TNFRSF13B: variants seen among roughly 807,000 people sequenced by gnomAD.
The protein encoded by TNFRSF13B is tumor necrosis factor receptor superfamily member 13B.
TNFRSF13B carries 34 observed loss-of-function variants against 24.0 expected under a neutral mutation model. The observed-to-expected ratio is 1.41, with a 90% CI of 1.08 to 1.88. TNFRSF13B has a LOEUF of 1.88. Ranked by LOEUF, TNFRSF13B falls within the 40% of genes most tolerant of loss-of-function variation. The probability of loss-of-function intolerance (pLI) is 0.00; values close to 1 mark genes in which losing one functional copy is unlikely to be tolerated. For missense variants in TNFRSF13B, 415 were observed against 380.8 expected (o/e 1.09, Z -0.75); for synonymous variants, 173 against 150.3 (o/e 1.15, Z -1.10).
At chr17:16,945,193 C>T (rs1264954664) in intron 3 of TNFRSF13B, among the ~76,000 whole-genome samples, 1 of 152,246 alleles carries the variant, frequency 6.6e-6, no homozygotes, top group African/African-American at 2.4e-5. Flanking sequence ...ATGCCGACCC[C>T]ACTGGCACCA....
chr17:16,955,145 A>G (rs73980240), intron 1 of TNFRSF13B, among the ~76,000 whole-genome samples: 1 of 152,150 alleles, frequency 6.6e-6, no homozygotes, highest in Non-Finnish European at 1.5e-5. Flanking sequence ...AGTGAGCCCA[A>G]CTGCTTACCC....
At position 16,952,595 on chromosome 17, in the gene TNFRSF13B, G is replaced by A; in HGVS notation, c.62-12C>T. ...CAGGCCCTGTGGAACTGAGAGACCA[G>A]GAGAGTGAGGGCAGCTGGCAGGCGG... On this transcript the variant is annotated splice_polypyrimidine_tract_variant and intron_variant, in intron 1 of 4. Transcript: ENST00000261652. 1.9e-6 allele frequency: 3 copies of A among 1,614,176 alleles called. No homozygotes were observed. The highest frequency in any genetic ancestry group is 2.2e-5 in the South Asian group (2 of 91,080).
intron 1 of TNFRSF13B, among the ~76,000 whole-genome samples, chr17:16,969,559 G>A (rs569537743): frequency 6.6e-6 from 1 of 152,304 alleles, no homozygotes; most frequent in South Asian, 2.1e-4. Context: ...GACTGACAAA[G>A]TTTCTTTTTG....
rs140281234 is a variant in TNFRSF13B at position 16,956,769 on chromosome 17, C to A, written c.62-4186G>T. Among the ~76,000 whole-genome samples the A allele has an allele frequency of 3.9e-5, 6 of 152,316 alleles. No homozygotes were observed. The East Asian group carries it at 9.6e-4, about 24-fold the overall frequency. The stretch of plus-strand genomic sequence containing the variant: ...AGTGAGAGAAACAAAGCTAAAAAGT[C>A]TACTGTATGATTTCAACTCCATGAC... On this transcript the variant is annotated intron_variant, in intron 1 of 4. Coordinates refer to ENST00000261652, the MANE Select transcript of TNFRSF13B (RefSeq NM_012452.3).
rs1197261395 is a variant in TNFRSF13B at position 16,948,950 on chromosome 17, A to G, written c.233T>C (p.Phe78Ser). 6.2e-7 allele frequency: 1 copy of G among 1,614,176 alleles called. No individual in the cohort carries two copies. Among genetic ancestry groups the G allele is most frequent in the South Asian group, 1.1e-5 (1 of 91,082 alleles). ...GCAGTCCCTCAGGAGATGGTCATAGAACTTGCCTTGCTCCTTGCGGCAGCT... is the reference window on the plus strand; with the variant it reads ...GCAGTCCCTCAGGAGATGGTCATAGGACTTGCCTTGCTCCTTGCGGCAGCT... ...SLSCRKEQGK[F>S]YDHLLRDCIS... is the part of the protein sequence containing the mutation. The change falls in exon 3 of 5, where the codon TTC becomes TCC. Residue 78 changes from phenylalanine (F) to serine (S), a missense_variant. Coordinates refer to ENST00000261652, the MANE Select transcript of TNFRSF13B (RefSeq NM_012452.3).
At chr17:16,965,595 T>C (rs2087693491) in intron 1 of TNFRSF13B, among the ~76,000 whole-genome samples, 1 of 152,174 alleles carries the variant, frequency 6.6e-6, no homozygotes, top group Admixed American at 6.5e-5. Flanking sequence ...GGGATCATAC[T>C]GAGTTTCAGC....
intron 1 of TNFRSF13B, among the ~76,000 whole-genome samples, chr17:16,971,574 G>A (rs1312261601): frequency 6.6e-6 from 1 of 152,164 alleles, no homozygotes; most frequent in African/African-American, 2.4e-5. Flanking sequence ...TGATGTTCAG[G>A]AATTGTTGTT....
chr17:16,971,622 T>G (rs2087745331), intron 1 of TNFRSF13B, among the ~76,000 whole-genome samples: 1 of 152,164 alleles, frequency 6.6e-6, no homozygotes, highest in Non-Finnish European at 1.5e-5. Flanking sequence ...GTTTTTTGTT[T>G]TGTTTTTAGG....
chr17:16,957,310 A>G lies in TNFRSF13B; in HGVS notation c.62-4727T>C, dbSNP rs562597168. ...AGAGGCAATTGGCAAACTTAAAACA[A>G]TTGAAATAATAGTCTGTGTAGCAAA... On this transcript the variant is annotated intron_variant, in intron 1 of 4. Coordinates refer to ENST00000261652, the MANE Select transcript of TNFRSF13B (RefSeq NM_012452.3). 4.6e-5 allele frequency among the ~76,000 whole-genome samples: 7 copies of G among 151,880 alleles called. No homozygotes were observed. The East Asian group carries it at 1.4e-3, about 30-fold the overall frequency.
chr17:16,961,935 C>A (rs2143678354), intron 1 of TNFRSF13B, among the ~76,000 whole-genome samples: 1 of 152,262 alleles, frequency 6.6e-6, no homozygotes, highest in East Asian at 1.9e-4. Context: ...GCCAAAAAAA[C>A]CACGGGTAGA....
At chr17:16,965,319 C>G (rs2143684397) in intron 1 of TNFRSF13B, among the ~76,000 whole-genome samples, 1 of 152,216 alleles carries the variant, frequency 6.6e-6, no homozygotes, top group African/African-American at 2.4e-5. Flanking sequence ...GTGCTCTGGG[C>G]TGGGGGAACT....
intron 1 of TNFRSF13B, among the ~76,000 whole-genome samples, chr17:16,962,513 CAAAAAAAAAGAAAG>C (rs2087669481): frequency 7.2e-6 from 1 of 139,046 alleles, no homozygotes; most frequent in Middle Eastern, 3.3e-3. Flanking sequence ...TCTCCCCCCC[CAAAAAAAAAGAAAG>C]AAAAAAAAAA....
intron 3 of TNFRSF13B, 31 bp downstream of exon 3, chr17:16,948,707 A>G: frequency 6.2e-7 from 1 of 1,612,932 alleles, no homozygotes; most frequent in Non-Finnish European, 8.5e-7. Context: ...ACCCTGCGTG[A>G]CACCATGCAG....
chr17:16,963,758 G>A (rs1159537688), intron 1 of TNFRSF13B, among the ~76,000 whole-genome samples: 1 of 152,148 alleles, frequency 6.6e-6, no homozygotes, highest in African/African-American at 2.4e-5. Flanking sequence ...CACCGTGTTA[G>A]CCAGGATGGT....
chr17:16,965,634 C>T (rs1026076544), intron 1 of TNFRSF13B, among the ~76,000 whole-genome samples: 1 of 152,142 alleles, frequency 6.6e-6, no homozygotes, highest in Non-Finnish European at 1.5e-5. Flanking sequence ...TGCATCTCCT[C>T]CATCCAGGGA....
At chr17:16,947,818 A>G (rs997231165) in intron 3 of TNFRSF13B, among the ~76,000 whole-genome samples, 6 of 152,264 alleles carry the variant, frequency 3.9e-5, no homozygotes, top group Non-Finnish European at 5.9e-5. Context: ...AAACAGAGTT[A>G]CCGTTCAGCA....
In TNFRSF13B at chr17:16,948,778, C is replaced by T; in HGVS notation, c.405G>A (p.Arg135=). The part of the protein sequence containing the change: ...EVENNSDNSG[R]YQGLEHRGSE... ...AGCCTCTGTGCTCCAATCCTTGGTA[C>T]CTTCCCGAGTTGTCTGAATTGTTTT... Residue 135 remains arginine (R), a synonymous_variant, in exon 3 of 5, where the codon AGG becomes AGA. Coordinates refer to ENST00000261652, the MANE Select transcript of TNFRSF13B (RefSeq NM_012452.3). The T allele has an allele frequency of 6.2e-7, 1 of 1,614,182 alleles. No homozygotes were observed. Among genetic ancestry groups the T allele is most frequent in the South Asian group, 1.1e-5 (1 of 91,086 alleles).
chr17:16,949,406 A>T lies in TNFRSF13B; in HGVS notation c.200-423T>A, dbSNP rs779678096. Among the ~76,000 whole-genome samples, 148 of 152,340 alleles carry T rather than the reference A, an allele frequency of 9.7e-4. 1 individual carries two copies. Among genetic ancestry groups the T allele is most frequent in the Admixed American group, 2.6e-4 (4 of 15,304 alleles). ...AAGGAGAAATATATTTCAAATCAGC[A>T]TAAGGAAAGAAGGGGAAAAGCCAGA... On this transcript the variant is annotated intron_variant, in intron 2 of 4. Coordinates refer to ENST00000261652, the MANE Select transcript of TNFRSF13B (RefSeq NM_012452.3).
At chr17:16,942,807 A>G (rs901258422) in intron 3 of TNFRSF13B, among the ~76,000 whole-genome samples, 1 of 152,246 alleles carries the variant, frequency 6.6e-6, no homozygotes, top group Non-Finnish European at 1.5e-5. Flanking sequence ...AGACCATGCA[A>G]GTGTTCAGAG....
Sources: allele counts gnomAD v4.1 joint callset (sites outside exome capture counted in the v4.1 genomes callset), GRCh38; gene constraint gnomAD v4.1.1; transcripts MANE v1.5; gene names NCBI Gene and HGNC (gene_info 2026-07-23, HGNC 2026-07-21).